Variants in EBF1 observed in about 807,000 individuals in gnomAD.
EBF1 encodes EBF transcription factor 1.
In EBF1, 10 loss-of-function variants were observed where a neutral mutation model predicts 68.4. The observed-to-expected ratio is 0.15, with a 90% CI of 0.09 to 0.25. The LOEUF (loss-of-function observed/expected upper bound fraction) is 0.25. Among genes scored for constraint, EBF1 ranks in the 10% least tolerant of loss-of-function variants. The pLI, the probability that EBF1 is intolerant of heterozygous loss-of-function variation, is 1.00. For missense variants in EBF1, 509 were observed against 794.4 expected (o/e 0.64, Z 4.32); for synonymous variants, 298 against 299.8 (o/e 0.99, Z 0.06).
At chr5:158,811,140 C>G (rs1397813140) in intron 8 of EBF1, among the ~76,000 whole-genome samples, 1 of 152,146 alleles carries the variant, frequency 6.6e-6, no homozygotes. Context: ...AGGGCTGGCA[C>G]AGGGAGTTTG....
chr5:158,818,585 A>G (rs951875249), intron 8 of EBF1, among the ~76,000 whole-genome samples: 8 of 152,214 alleles, frequency 5.3e-5, no homozygotes, highest in Non-Finnish European at 1.2e-4. Flanking sequence ...GTCTATCATC[A>G]GTATTTATTC....
At chr5:158,826,224 G>A (rs1786071905) in intron 7 of EBF1, among the ~76,000 whole-genome samples, 1 of 151,994 alleles carries the variant, frequency 6.6e-6, no homozygotes, top group Non-Finnish European at 1.5e-5. Flanking sequence ...AACAGATGAT[G>A]AGAATACGAA....
intron 9 of EBF1, among the ~76,000 whole-genome samples, chr5:158,782,148 A>T (rs1776562966): frequency 6.6e-6 from 1 of 151,984 alleles, no homozygotes; most frequent in South Asian, 2.1e-4. Context: ...GTTCTTGAAG[A>T]CCCCAATCAT....
intron 7 of EBF1, among the ~76,000 whole-genome samples, chr5:158,839,324 C>T (rs368523034): frequency 6.6e-6 from 1 of 152,326 alleles, no homozygotes. Context: ...AAAGCCATTA[C>T]TGTAAAGCAG....
chr5:158,733,187 A>G (rs1764474719), intron 10 of EBF1, among the ~76,000 whole-genome samples: 1 of 152,128 alleles, frequency 6.6e-6, no homozygotes, highest in African/African-American at 2.4e-5. Flanking sequence ...TATAATATCC[A>G]CCCCCACCCA....
intron 6 of EBF1, among the ~76,000 whole-genome samples, chr5:158,895,198 C>T (rs1296865519): frequency 6.6e-6 from 1 of 152,158 alleles, no homozygotes; most frequent in African/African-American, 2.4e-5. Context: ...GACACCAGCA[C>T]TATTCATTGA....
chr5:158,926,840 C>T (rs1583225412), intron 6 of EBF1, among the ~76,000 whole-genome samples: 1 of 152,104 alleles, frequency 6.6e-6, no homozygotes, highest in Non-Finnish European at 1.5e-5. Flanking sequence ...TAATAGCCCT[C>T]TTAATAAGTT....
intron 6 of EBF1, among the ~76,000 whole-genome samples, chr5:159,045,111 G>GA (rs1197299309): frequency 1.3e-5 from 2 of 151,806 alleles, no homozygotes; most frequent in Non-Finnish European, 2.9e-5. Context: ...AAGAAAAAAG[G>GA]AAAAAAAGAA....
rs765077674 is a variant in EBF1, at chr5:159,095,718, G to T, written c.356-43C>A. ...GGAAGGGAGGAGAATTAAGTGAGAG[G>T]TTACGGAGGGTGGGTGGACAATAAT... On this transcript the variant is annotated intron_variant, in intron 3 of 15. Transcript: ENST00000313708. 2.5e-6 allele frequency: 4 copies of T among 1,599,368 alleles called. No individual in the cohort carries two copies. In the South Asian group the frequency reaches 4.4e-5, roughly 18 times the overall value.
chr5:158,882,965 AT>A (rs1799176886), intron 6 of EBF1, among the ~76,000 whole-genome samples: 1 of 152,032 alleles, frequency 6.6e-6, no homozygotes, highest in Non-Finnish European at 1.5e-5. Flanking sequence ...TTCCATTTCT[AT>A]TTGTTAACCT....
At chr5:158,940,477 C>G (rs1813000040) in intron 6 of EBF1, among the ~76,000 whole-genome samples, 1 of 152,258 alleles carries the variant, frequency 6.6e-6, no homozygotes, top group East Asian at 1.9e-4. Flanking sequence ...GATCAGTAAA[C>G]AAAAGCTTAA....
chr5:158,884,672 G>A (rs2128097733), intron 6 of EBF1, among the ~76,000 whole-genome samples: 1 of 152,218 alleles, frequency 6.6e-6, no homozygotes, highest in Admixed American at 6.5e-5. Context: ...AAATCATCAT[G>A]ACAGAGTTTA....
intron 6 of EBF1, among the ~76,000 whole-genome samples, chr5:158,956,988 G>A (rs1385917770): frequency 6.6e-6 from 1 of 152,102 alleles, no homozygotes; most frequent in Admixed American, 6.5e-5. Flanking sequence ...TCGATCTCCT[G>A]ACCCTGTGAT....
At chr5:158,723,139 GT>G (rs1236191314) in intron 11 of EBF1, among the ~76,000 whole-genome samples, 1 of 152,176 alleles carries the variant, frequency 6.6e-6, no homozygotes. Context: ...GGTACCCAGG[GT>G]TTGTCTGCAT....
At chr5:159,029,951 T>A in intron 6 of EBF1, among the ~76,000 whole-genome samples, 3 of 145,340 alleles carry the variant, frequency 2.1e-5, no homozygotes, top group Admixed American at 6.8e-5. Flanking sequence ...AGAGCAAAAC[T>A]CCTTCTAAAA....
chr5:159,010,910 T>C (rs1296476848), intron 6 of EBF1, among the ~76,000 whole-genome samples: 3 of 152,240 alleles, frequency 2.0e-5, no homozygotes, highest in African/African-American at 7.2e-5. Context: ...GAAAGTAACC[T>C]TCGTGAATCT....
chr5:159,044,051 C>A (rs1486469981), intron 6 of EBF1, among the ~76,000 whole-genome samples: 2 of 152,138 alleles, frequency 1.3e-5, no homozygotes, highest in African/African-American at 4.8e-5. Context: ...TTATACAATT[C>A]CCCCAGGGAC....
chr5:158,890,952 A>G (rs1389160921), intron 6 of EBF1, among the ~76,000 whole-genome samples: 3 of 152,182 alleles, frequency 2.0e-5, no homozygotes, highest in East Asian at 1.9e-4. Flanking sequence ...TGCCTGAAAC[A>G]TCAAAGATAA....
At chr5:158,815,362 TATTG>T (rs1207759274) in intron 8 of EBF1, among the ~76,000 whole-genome samples, 1 of 152,212 alleles carries the variant, frequency 6.6e-6, no homozygotes, top group Non-Finnish European at 1.5e-5. Context: ...TTGAGTAAGT[TATTG>T]ATTCTTTCTA....
Sources: gnomAD v4.1 joint callset for allele counts (sites outside exome capture counted in the v4.1 genomes callset) on GRCh38, gnomAD v4.1.1 for gene constraint, MANE v1.5 for transcripts, NCBI Gene and HGNC (gene_info 2026-07-23, HGNC 2026-07-21) for gene names.